Variants in LINGO2 observed in about 807,000 individuals in gnomAD.
The protein encoded by LINGO2 is leucine-rich repeat and immunoglobulin-like domain-containing nogo receptor-interacting protein 2.
Under a neutral mutation model 30.6 loss-of-function variants are expected in LINGO2, and 14 were observed. The ratio of observed to expected loss-of-function variants is 0.46; its 90% CI spans 0.30 to 0.72. LINGO2 has a LOEUF of 0.72. Among genes scored for constraint, LINGO2 ranks in the 30% least tolerant of loss-of-function variants. LINGO2 has a pLI of 0.07. For missense variants in LINGO2, 729 were observed against 751.7 expected (o/e 0.97, Z 0.35); for synonymous variants, 317 against 288.5 (o/e 1.10, Z -1.00).
intron 3 of LINGO2, among the ~76,000 whole-genome samples, chr9:28,306,604 C>T (rs1361913765): frequency 6.6e-6 from 1 of 151,992 alleles, no homozygotes; most frequent in Admixed American, 6.5e-5. Context: ...GAAATAGAGA[C>T]ACAAAAAACC....
the LINGO2 span, among the ~76,000 whole-genome samples, chr9:28,977,179 A>G: frequency 6.6e-6 from 1 of 152,156 alleles, no homozygotes; most frequent in Non-Finnish European, 1.5e-5. Flanking sequence ...ACAGAATTCT[A>G]GGATAACTCA....
chr9:28,812,447 A>C, the LINGO2 span, among the ~76,000 whole-genome samples: 6 of 152,188 alleles, frequency 3.9e-5, no homozygotes, highest in African/African-American at 1.2e-4. Context: ...TGTTTAAGCT[A>C]TGCCCCATTC....
intron 4 of LINGO2, among the ~76,000 whole-genome samples, chr9:28,044,499 G>A (rs1824328954): frequency 6.6e-6 from 1 of 152,140 alleles, no homozygotes; most frequent in Non-Finnish European, 1.5e-5. Flanking sequence ...CCAGGTTTCT[G>A]GAGCAACAGC....
chr9:28,100,969 T>C (rs766352853), intron 4 of LINGO2, among the ~76,000 whole-genome samples: 10 of 152,122 alleles, frequency 6.6e-5, no homozygotes, highest in Non-Finnish European at 2.9e-5. Context: ...TAAATGAAGA[T>C]ACACAGATAA....
chr9:28,962,820 T>A, the LINGO2 span, among the ~76,000 whole-genome samples: 1 of 151,466 alleles, frequency 6.6e-6, no homozygotes, highest in African/African-American at 2.4e-5. Flanking sequence ...TACTTTAATC[T>A]TAAACATACT....
intron 1 of LINGO2, among the ~76,000 whole-genome samples, chr9:28,563,263 C>A (rs565556935): frequency 1.2e-4 from 19 of 152,216 alleles, no homozygotes; most frequent in Non-Finnish European, 2.8e-4. Flanking sequence ...AAATCCAGAT[C>A]TATCACTGTC....
the LINGO2 span, among the ~76,000 whole-genome samples, chr9:29,053,132 C>CT: frequency 6.6e-6 from 1 of 151,884 alleles, no homozygotes; most frequent in Non-Finnish European, 1.5e-5. Flanking sequence ...ATGTACTACT[C>CT]TTGATAAAAG....
At chr9:28,723,325 T>C in the LINGO2 span, among the ~76,000 whole-genome samples, 1 of 152,150 alleles carries the variant, frequency 6.6e-6, no homozygotes, top group African/African-American at 2.4e-5. Context: ...ATATTCTATA[T>C]ATTAAGCTCC....
chr9:28,506,889 T>C (rs1439888495), intron 1 of LINGO2, among the ~76,000 whole-genome samples: 1 of 152,016 alleles, frequency 6.6e-6, no homozygotes, highest in Non-Finnish European at 1.5e-5. Context: ...TCATCTTCTC[T>C]ACAGCCATTA....
chr9:28,060,962 A>G (rs1208847088), intron 4 of LINGO2, among the ~76,000 whole-genome samples: 1 of 151,930 alleles, frequency 6.6e-6, no homozygotes, highest in Non-Finnish European at 1.5e-5. Context: ...TCAGATATCA[A>G]TTTCAATCCC....
intron 4 of LINGO2, among the ~76,000 whole-genome samples, chr9:28,290,744 T>C (rs1823697334): frequency 6.6e-6 from 1 of 152,140 alleles, no homozygotes. Flanking sequence ...GAGTTTCAGT[T>C]CTTTGATACT....
At chr9:28,175,989 A>G (rs1828740310) in intron 4 of LINGO2, among the ~76,000 whole-genome samples, 1 of 152,236 alleles carries the variant, frequency 6.6e-6, no homozygotes, top group Admixed American at 6.5e-5. Context: ...ACCTGAAGGT[A>G]GGAATGATTA....
chr9:29,205,010 T>C, the LINGO2 span, among the ~76,000 whole-genome samples: 37 of 152,248 alleles, frequency 2.4e-4, no homozygotes, highest in African/African-American at 7.9e-4. Context: ...TCAAGAATAA[T>C]TGTTGTATTT....
chr9:28,706,970 G>T, the LINGO2 span, among the ~76,000 whole-genome samples: 2 of 152,006 alleles, frequency 1.3e-5, no homozygotes. Flanking sequence ...TTTCAGGAAA[G>T]GAACCTTATT....
At chr9:28,597,040 GAAAGCA>G (rs1825218349) in intron 1 of LINGO2, among the ~76,000 whole-genome samples, 1 of 152,118 alleles carries the variant, frequency 6.6e-6, no homozygotes, top group Non-Finnish European at 1.5e-5. Flanking sequence ...ATTAGTAACT[GAAAGCA>G]ATGATTCAAT....
chr9:29,074,792 C>T, the LINGO2 span, among the ~76,000 whole-genome samples: 4 of 149,434 alleles, frequency 2.7e-5, no homozygotes, highest in Non-Finnish European at 5.9e-5. Flanking sequence ...TTCAGCCTCC[C>T]GAGTAGCTGG....
chr9:28,587,355 G>A (rs1824605447), intron 1 of LINGO2, among the ~76,000 whole-genome samples: 1 of 152,016 alleles, frequency 6.6e-6, no homozygotes, highest in African/African-American at 2.4e-5. Context: ...TGTATTTTGT[G>A]AACAGTGGAG....
chr9:28,376,259 AAGAAG>A (rs143601464), intron 2 of LINGO2, among the ~76,000 whole-genome samples: 3,278 of 148,588 alleles, frequency 0.022, 83 homozygotes, highest in East Asian at 0.1. Flanking sequence ...AGGAGAAGAG[AAGAAG>A]AGAAGAGAAG....
At chr9:28,831,922 C>T in the LINGO2 span, among the ~76,000 whole-genome samples, 1 of 152,086 alleles carries the variant, frequency 6.6e-6, no homozygotes, top group East Asian at 1.9e-4. Flanking sequence ...CTCTTCTATT[C>T]TACATAAATT....
Sources: allele counts gnomAD v4.1 joint callset (sites outside exome capture counted in the v4.1 genomes callset), GRCh38; gene constraint gnomAD v4.1.1; transcripts MANE v1.5; gene names NCBI Gene and HGNC (gene_info 2026-07-23, HGNC 2026-07-21).